Variants in SPON1 observed in about 807,000 individuals in gnomAD.
SPON1 encodes the protein spondin-1.
In SPON1, 52 loss-of-function variants were observed where a neutral mutation model predicts 111.7. That is an observed-to-expected ratio of 0.47 (90% CI 0.37 to 0.59). The LOEUF is 0.59. Ranked by LOEUF, SPON1 falls within the 20% of genes least tolerant of loss-of-function variation. The probability of loss-of-function intolerance (pLI) is 0.00; values close to 1 mark genes in which losing one functional copy is unlikely to be tolerated. For missense variants in SPON1, 957 were observed against 1,068.5 expected (o/e 0.90, Z 1.46); for synonymous variants, 410 against 395.8 (o/e 1.04, Z -0.43).
At chr11:14,199,489 A>T (rs1554935396) in intron 6 of SPON1, among the ~76,000 whole-genome samples, 1 of 150,282 alleles carries the variant, frequency 6.7e-6, no homozygotes, top group African/African-American at 2.5e-5. Flanking sequence ...AGGCCTCATC[A>T]CCTCTTGCCT....
At chr11:13,968,962 T>G (rs1213579706) in intron 1 of SPON1, among the ~76,000 whole-genome samples, 5 of 152,192 alleles carry the variant, frequency 3.3e-5, no homozygotes, top group Non-Finnish European at 7.3e-5. Context: ...AGGATCATAT[T>G]AACGGTCTCT....
At chr11:14,174,778 C>T (rs959793086) in intron 6 of SPON1, among the ~76,000 whole-genome samples, 5 of 152,154 alleles carry the variant, frequency 3.3e-5, no homozygotes, top group African/African-American at 1.2e-4. Context: ...TTAAATATAT[C>T]TGTAGCTTGT....
chr11:14,257,804 ACAGC>A lies in SPON1; in HGVS notation c.1399_1402del (p.Gln467AlafsTer3). 6.2e-7 allele frequency: 1 copy of A among 1,611,130 alleles called. No individual in the cohort carries two copies. On this transcript the variant is annotated frameshift_variant, in exon 11 of 16. Transcript: ENST00000576479. LOFTEE classifies it high-confidence loss of function. Reference sequence around the variant, plus strand: ...CCTGTGACAAAGGCAAGAGGATGCGACAGCGCATGCTGAAAGCACAGCTGGACCT... The same window carrying A: ...CCTGTGACAAAGGCAAGAGGATGCGAGCATGCTGAAAGCACAGCTGGACCT...
chr11:14,166,298 T>C (rs1241888440), intron 6 of SPON1, among the ~76,000 whole-genome samples: 4 of 152,184 alleles, frequency 2.6e-5, no homozygotes, highest in African/African-American at 9.7e-5. Flanking sequence ...TATTCACAAA[T>C]AGTTTCCGAA....
At chr11:14,244,446 A>G (rs1252730129) in intron 7 of SPON1, among the ~76,000 whole-genome samples, 1 of 151,968 alleles carries the variant, frequency 6.6e-6, no homozygotes, top group African/African-American at 2.4e-5. Context: ...TGAACCAGGT[A>G]ATCAGAGGTT....
At chr11:14,229,471 G>T (rs1482318245) in intron 6 of SPON1, among the ~76,000 whole-genome samples, 1 of 152,136 alleles carries the variant, frequency 6.6e-6, no homozygotes, top group Non-Finnish European at 1.5e-5. Context: ...AGTAGTGAGA[G>T]GTCGCACTGA....
chr11:13,995,564 G>T (rs992751050), intron 2 of SPON1, among the ~76,000 whole-genome samples: 2 of 151,992 alleles, frequency 1.3e-5, no homozygotes, highest in South Asian at 2.1e-4. Flanking sequence ...GGAGAAAACC[G>T]CCCCCATGAT....
At chr11:14,091,366 C>A (rs891017489) in intron 5 of SPON1, among the ~76,000 whole-genome samples, 2 of 152,214 alleles carry the variant, frequency 1.3e-5, no homozygotes, top group African/African-American at 4.8e-5. Flanking sequence ...GACTGGGCGC[C>A]GTGGAGCAGG....
chr11:14,022,234 G>A (rs1848486000), intron 2 of SPON1, among the ~76,000 whole-genome samples: 1 of 152,208 alleles, frequency 6.6e-6, no homozygotes, highest in South Asian at 2.1e-4. Context: ...CAGAATATCA[G>A]CCAGCTGAGC....
intron 4 of SPON1, among the ~76,000 whole-genome samples, chr11:14,078,432 G>A (rs1207309714): frequency 1.3e-5 from 2 of 152,066 alleles, no homozygotes; most frequent in African/African-American, 4.8e-5. Flanking sequence ...CTCTGATTTA[G>A]AAATCGTAGA....
chr11:14,066,107 C>T (rs1848830571), intron 3 of SPON1, among the ~76,000 whole-genome samples: 2 of 152,274 alleles, frequency 1.3e-5, no homozygotes, highest in South Asian at 4.1e-4. Flanking sequence ...ACCCCAGGTA[C>T]CACTAATCAA....
chr11:14,243,240 G>A, intron 6 of SPON1, 92 bp from the exon 7 acceptor site: 1 of 1,217,620 alleles, frequency 8.2e-7, no homozygotes, highest in Non-Finnish European at 1.2e-6. Context: ...AGCAGGTGAG[G>A]GAGTGGGGGT....
intron 5 of SPON1, among the ~76,000 whole-genome samples, chr11:14,087,481 C>T (rs1849015965): frequency 2.0e-5 from 3 of 152,144 alleles, no homozygotes; most frequent in Non-Finnish European, 4.4e-5. Context: ...ATCCTGAGTT[C>T]TAGTTTGATT....
intron 5 of SPON1, among the ~76,000 whole-genome samples, chr11:14,098,674 AAGAG>A (rs373749922): frequency 2.7e-5 from 4 of 147,230 alleles, no homozygotes; most frequent in Non-Finnish European, 4.6e-5. Context: ...GAGGGGTGGG[AAGAG>A]AGAGAGAGAG....
chr11:14,234,322 C>T (rs1460999892), intron 6 of SPON1, among the ~76,000 whole-genome samples: 10 of 152,088 alleles, frequency 6.6e-5, no homozygotes, highest in Non-Finnish European at 1.5e-5. Context: ...CTGGCCTTGG[C>T]ACTAAGGTTT....
chr11:14,148,966 A>C (rs1201588991), intron 6 of SPON1, among the ~76,000 whole-genome samples: 1 of 152,222 alleles, frequency 6.6e-6, no homozygotes, highest in Non-Finnish European at 1.5e-5. Flanking sequence ...TCAACGACAG[A>C]CTGCATCCAT....
intron 2 of SPON1, among the ~76,000 whole-genome samples, chr11:14,027,567 C>T (rs1261339432): frequency 1.3e-5 from 2 of 152,168 alleles, no homozygotes; most frequent in Non-Finnish European, 2.9e-5. Flanking sequence ...CTCCTTTTTC[C>T]TTTGCTAAAT....
At chr11:13,967,110 C>T (rs1848023762) in intron 1 of SPON1, among the ~76,000 whole-genome samples, 1 of 152,120 alleles carries the variant, frequency 6.6e-6, no homozygotes, top group Admixed American at 6.5e-5. Context: ...AAGTTTATTC[C>T]TTATCCATGG....
intron 6 of SPON1, among the ~76,000 whole-genome samples, chr11:14,160,013 T>C (rs1355543513): frequency 1.3e-5 from 2 of 152,102 alleles, no homozygotes; most frequent in Middle Eastern, 3.4e-3. Flanking sequence ...AATAACTTAA[T>C]TGTACATTTT....
Sources: allele counts gnomAD v4.1 joint callset (sites outside exome capture counted in the v4.1 genomes callset), GRCh38; gene constraint gnomAD v4.1.1; transcripts MANE v1.5; gene names NCBI Gene and HGNC (gene_info 2026-07-23, HGNC 2026-07-21).